FAM78B: variants seen among roughly 807,000 people sequenced by gnomAD.
FAM78B encodes family with sequence similarity 78 member B.
Under a neutral mutation model 20.0 loss-of-function variants are expected in FAM78B, and 10 were observed. The observed-to-expected ratio is 0.50, with a 90% CI of 0.31 to 0.85. FAM78B has a LOEUF of 0.85. Ranked by LOEUF, FAM78B falls within the 40% of genes least tolerant of loss-of-function variation. The pLI is 0.05. For synonymous variants in FAM78B, 135 were observed against 132.8 expected (o/e 1.02, Z -0.12); for missense variants, 283 against 345.0 (o/e 0.82, Z 1.42).
chr1:166,084,260 C>CTCTCTCTCTT (rs1652716796), intron 1 of FAM78B, among the ~76,000 whole-genome samples: 1 of 149,682 alleles, frequency 6.7e-6, no homozygotes, highest in Non-Finnish European at 1.5e-5. Context: ...CTCTCTCTCT[C>CTCTCTCTCTT]TCTCTTTCTC....
At chr1:166,138,369 G>C (rs187508317) in intron 1 of FAM78B, among the ~76,000 whole-genome samples, 1 of 151,962 alleles carries the variant, frequency 6.6e-6, no homozygotes, top group East Asian at 1.9e-4. Flanking sequence ...ATATCACAGG[G>C]ATCTCAAGAA....
At chr1:166,137,104 G>A (rs1001138647) in intron 1 of FAM78B, among the ~76,000 whole-genome samples, 10 of 152,194 alleles carry the variant, frequency 6.6e-5, no homozygotes, top group Non-Finnish European at 1.0e-4. Context: ...GAGAGCATGA[G>A]GTTGGAAGGG....
chr1:166,113,906 G>A (rs527370736), intron 1 of FAM78B, among the ~76,000 whole-genome samples: 73 of 152,340 alleles, frequency 4.8e-4, no homozygotes, highest in Admixed American at 1.3e-3. Context: ...GGCAGTGTCA[G>A]GGTCCAAACT....
chr1:166,144,975 G>A (rs962597893), intron 1 of FAM78B, among the ~76,000 whole-genome samples: 1 of 152,128 alleles, frequency 6.6e-6, no homozygotes, highest in Admixed American at 6.5e-5. Context: ...TGAGGGTTGG[G>A]AGGACTCACC....
chr1:166,073,871 C>T (rs1478522192), intron 1 of FAM78B, among the ~76,000 whole-genome samples: 1 of 152,166 alleles, frequency 6.6e-6, no homozygotes, highest in Non-Finnish European at 1.5e-5. Flanking sequence ...ACACCCTCCC[C>T]TAGGCTGCCA....
intron 1 of FAM78B, among the ~76,000 whole-genome samples, chr1:166,126,549 T>C (rs887364567): frequency 6.6e-6 from 1 of 151,860 alleles, no homozygotes; most frequent in East Asian, 1.9e-4. Flanking sequence ...GAGTTGGCCA[T>C]CTGGGGGAGG....
downstream of FAM78B, among the ~76,000 whole-genome samples, chr1:166,067,084 G>A (rs1651824444): frequency 6.6e-6 from 1 of 152,178 alleles, no homozygotes; most frequent in African/African-American, 2.4e-5. Context: ...GGATCCAATT[G>A]TCTCTAGTTT....
chr1:166,154,004 G>C (rs1264443254), intron 1 of FAM78B, among the ~76,000 whole-genome samples: 1 of 152,132 alleles, frequency 6.6e-6, no homozygotes, highest in Non-Finnish European at 1.5e-5. Context: ...AATGACAAAA[G>C]AATTGACTGA....
chr1:166,166,065 G>C lies in FAM78B; in HGVS notation c.184C>G (p.Arg62Gly), dbSNP rs765905771. The C allele has an allele frequency of 2.5e-6, 4 of 1,613,784 alleles. No individual in the cohort carries two copies. The South Asian group carries it at 4.4e-5, about 18-fold the overall frequency. ...CAGCCCACCACCCAGGTCTCGTGGC[G>C]GGGGATGGGGGGCATGACCACGCGG... ...SARVVMPPIP[R>G]HETWVVGWIQ... Residue 62 changes from arginine (R) to glycine (G), a missense_variant, in exon 1 of 2, where the codon CGC becomes GGC. Arg to Gly is a moderately radical substitution (Grantham distance 125). Coordinates refer to ENST00000354422, the MANE Select transcript of FAM78B (RefSeq NM_001017961.5).
At chr1:166,153,801 G>T (rs376800179) in intron 1 of FAM78B, among the ~76,000 whole-genome samples, 1 of 152,202 alleles carries the variant, frequency 6.6e-6, no homozygotes, top group South Asian at 2.1e-4. Context: ...CAGGATGCTC[G>T]GAGGTATATA....
intron 1 of FAM78B, among the ~76,000 whole-genome samples, chr1:166,130,432 C>A (rs1343268548): frequency 3.9e-5 from 6 of 152,162 alleles, no homozygotes; most frequent in African/African-American, 1.2e-4. Flanking sequence ...TTTAATGTAT[C>A]CTGCTAATCC....
downstream of FAM78B, among the ~76,000 whole-genome samples, chr1:166,066,899 A>G (rs559503259): frequency 6.6e-6 from 1 of 152,260 alleles, no homozygotes; most frequent in Admixed American, 6.5e-5. Context: ...TTGGCTCTTC[A>G]GTTGGCTAGG....
chr1:166,124,507 T>C (rs1455245905), intron 1 of FAM78B, among the ~76,000 whole-genome samples: 2 of 152,232 alleles, frequency 1.3e-5, no homozygotes, highest in Admixed American at 6.5e-5. Context: ...GCTTGCTTTA[T>C]TGAAGCAAGG....
chr1:166,109,852 A>ATATGTG (rs1653949037), intron 1 of FAM78B, among the ~76,000 whole-genome samples: 1 of 25,448 alleles, frequency 3.9e-5, no homozygotes. Context: ...ATATATATAT[A>ATATGTG]TATATATATG....
At chr1:166,060,914 AT>A (rs1243505355) in intron 2 of FAM78B, among the ~76,000 whole-genome samples, 1 of 152,208 alleles carries the variant, frequency 6.6e-6, no homozygotes, top group East Asian at 1.9e-4. Context: ...TTTACAGGTC[AT>A]TTATATGTGT....
At chr1:166,138,096 G>A (rs1395464805) in intron 1 of FAM78B, among the ~76,000 whole-genome samples, 1 of 152,122 alleles carries the variant, frequency 6.6e-6, no homozygotes, top group Non-Finnish European at 1.5e-5. Context: ...TTGGAACCTG[G>A]GACACTGCAC....
At chr1:166,111,469 G>A (rs1191827229) in intron 1 of FAM78B, among the ~76,000 whole-genome samples, 1 of 152,226 alleles carries the variant, frequency 6.6e-6, no homozygotes, top group Non-Finnish European at 1.5e-5. Context: ...GGCTGGAGCA[G>A]CTGTCTACAG....
intron 1 of FAM78B, among the ~76,000 whole-genome samples, chr1:166,101,236 T>C (rs1653501161): frequency 6.6e-6 from 1 of 151,916 alleles, no homozygotes; most frequent in African/African-American, 2.4e-5. Flanking sequence ...ACCACAAAGA[T>C]GGGGAAAAAA....
chr1:166,158,850 C>G (rs1274724489), intron 1 of FAM78B, among the ~76,000 whole-genome samples: 1 of 152,260 alleles, frequency 6.6e-6, no homozygotes, highest in East Asian at 1.9e-4. Flanking sequence ...GAGGACTCTG[C>G]TTCTTTGTAA....
Sources: allele counts gnomAD v4.1 joint callset (sites outside exome capture counted in the v4.1 genomes callset), GRCh38; gene constraint gnomAD v4.1.1; transcripts MANE v1.5; gene names NCBI Gene and HGNC (gene_info 2026-07-23, HGNC 2026-07-21).